CCDC83: variants seen among roughly 807,000 people sequenced by gnomAD.
CCDC83 encodes the protein coiled-coil domain containing 83, also known as coiled-coil domain-containing protein 83.
A neutral mutation model predicts 50.1 loss-of-function variants in CCDC83; 54 were observed. That is an observed-to-expected ratio of 1.08 (90% CI 0.87 to 1.35). The LOEUF (loss-of-function observed/expected upper bound fraction) is 1.35, where lower values mean the gene tolerates loss of function less well. Ranked by LOEUF, CCDC83 falls within the 40% of genes most tolerant of loss-of-function variation. The pLI is 0.00. For missense variants in CCDC83, 518 were observed against 473.9 expected (o/e 1.09, Z -0.86); for synonymous variants, 161 against 153.3 (o/e 1.05, Z -0.37).
chr11:85,879,393 C>A (rs2084079), intron 3 of CCDC83, among the ~76,000 whole-genome samples: 32,034 of 151,820 alleles, frequency 0.21, 3,715 homozygotes, highest in Middle Eastern at 0.22. Flanking sequence ...TGATAAAGCT[C>A]TCTTTCCTGC....
At chr11:85,909,409 C>T (rs1198826470) in intron 7 of CCDC83, among the ~76,000 whole-genome samples, 1 of 152,048 alleles carries the variant, frequency 6.6e-6, no homozygotes, top group Non-Finnish European at 1.5e-5. Context: ...CACCAGCCTA[C>T]CTCTTTCTAT....
chr11:85,898,407 C>A (rs1167798204), intron 6 of CCDC83, among the ~76,000 whole-genome samples: 1 of 151,966 alleles, frequency 6.6e-6, no homozygotes, highest in African/African-American at 2.4e-5. Flanking sequence ...TTTTATGAAC[C>A]TACTGACAAA....
At chr11:85,915,373 C>A in intron 8 of CCDC83, 46 bp from the exon 9 acceptor site, 1 of 1,317,486 alleles carries the variant, frequency 7.6e-7, no homozygotes, top group Non-Finnish European at 1.1e-6. Flanking sequence ...GCATGCAATG[C>A]AATATTTATT....
chr11:85,913,653 T>C (rs747230419), intron 8 of CCDC83, among the ~76,000 whole-genome samples: 3 of 152,236 alleles, frequency 2.0e-5, no homozygotes, highest in African/African-American at 4.8e-5. Context: ...TTGTGGTTAA[T>C]AGAGTTACCA....
At chr11:85,887,682 A>C (rs1440411230) in intron 5 of CCDC83, among the ~76,000 whole-genome samples, 1 of 151,550 alleles carries the variant, frequency 6.6e-6, no homozygotes, top group East Asian at 1.9e-4. Context: ...ATATATCACA[A>C]ATAGCATGCT....
chr11:85,862,830 T>C (rs2093185337), intron 1 of CCDC83, among the ~76,000 whole-genome samples: 1 of 152,156 alleles, frequency 6.6e-6, no homozygotes, highest in Non-Finnish European at 1.5e-5. Context: ...ATTGGAAAAA[T>C]GCAGCTATTA....
intron 5 of CCDC83, among the ~76,000 whole-genome samples, chr11:85,893,756 G>T (rs1386796530): frequency 6.6e-6 from 1 of 152,194 alleles, no homozygotes; most frequent in Non-Finnish European, 1.5e-5. Flanking sequence ...GATCTAGGCT[G>T]CATGCTCCTT....
chr11:85,917,778 C>G (rs2093489326), intron 10 of CCDC83: 2 of 152,228 alleles, frequency 1.3e-5, no homozygotes, highest in Non-Finnish European at 2.9e-5. Context: ...TCTAGTTCCT[C>G]TAGCACTGAA....
At chr11:85,870,470 C>CT (rs549513297) in intron 2 of CCDC83, among the ~76,000 whole-genome samples, 9 of 151,712 alleles carry the variant, frequency 5.9e-5, no homozygotes, top group African/African-American at 9.7e-5. Context: ...ATTTATAATA[C>CT]TTTTTTTTTA....
intron 1 of CCDC83, among the ~76,000 whole-genome samples, chr11:85,861,778 G>A (rs1442135444): frequency 1.3e-5 from 2 of 151,938 alleles, no homozygotes; most frequent in African/African-American, 4.8e-5. Context: ...GGAGGCCAAA[G>A]TGGGTGGATC....
chr11:85,886,585 G>A (rs941736418), intron 5 of CCDC83, among the ~76,000 whole-genome samples: 1 of 152,140 alleles, frequency 6.6e-6, no homozygotes, highest in African/African-American at 2.4e-5. Context: ...ATGGGCGGGT[G>A]GGGGGCAGTG....
intron 7 of CCDC83, among the ~76,000 whole-genome samples, chr11:85,899,248 A>T (rs1349162655): frequency 2.0e-5 from 3 of 152,216 alleles, no homozygotes; most frequent in Non-Finnish European, 2.9e-5. Context: ...AGTAAACTCA[A>T]ATGTGCAGTT....
At chr11:85,905,303 G>A (rs1236820969) in intron 7 of CCDC83, among the ~76,000 whole-genome samples, 14 of 151,608 alleles carry the variant, frequency 9.2e-5, no homozygotes, top group South Asian at 2.1e-4. Flanking sequence ...TTAGCCGGGC[G>A]TGATGGTGCA....
intron 5 of CCDC83, among the ~76,000 whole-genome samples, chr11:85,894,771 A>G (rs995484148): frequency 6.6e-5 from 10 of 152,198 alleles, no homozygotes; most frequent in African/African-American, 2.2e-4. Flanking sequence ...GAATGAACAA[A>G]TTGGACTCAT....
chr11:85,880,402 A>G (rs1033475828), intron 3 of CCDC83, among the ~76,000 whole-genome samples: 1 of 152,006 alleles, frequency 6.6e-6, no homozygotes, highest in Admixed American at 6.6e-5. Flanking sequence ...CAGCCTTCCA[A>G]GTAGCTGGGA....
intron 4 of CCDC83, among the ~76,000 whole-genome samples, chr11:85,884,614 G>C (rs1349532510): frequency 6.6e-6 from 1 of 152,138 alleles, no homozygotes; most frequent in Non-Finnish European, 1.5e-5. Flanking sequence ...CTTCTGACCT[G>C]GATACAAGGC....
At position 85,901,797 on chromosome 11, in the gene CCDC83, G is replaced by A. The variant is rs571928070; in HGVS notation, c.672+2782G>A. 1.6e-3 allele frequency among the ~76,000 whole-genome samples: 250 copies of A among 151,996 alleles called. 1 individual carries two copies. The highest frequency in any genetic ancestry group is 5.6e-3 in the African/African-American group (234 of 41,468). On this transcript the variant is annotated intron_variant, in intron 7 of 10. Coordinates refer to ENST00000342404, the MANE Select transcript of CCDC83 (RefSeq NM_001286159.2). ...TAATCCCAACACATTGGGAAGCTGG[G>A]GTGGGAGGATTGCTAGAGCCCAGGC...
Position 85,905,965 on chromosome 11 carries a change from G to A in CCDC83, c.673-5316G>A, listed in dbSNP as rs541680878. 7.6e-4 allele frequency among the ~76,000 whole-genome samples: 75 copies of A among 98,816 alleles called. 1 individual carries two copies. The highest frequency in any genetic ancestry group is 8.1e-3 in the Middle Eastern group (1 of 124). The allele number at this position is 98,816 out of a possible 152,430, so 64.8% of individuals were successfully genotyped here. A position where few individuals can be genotyped will look rare whatever the true frequency, so the allele number is the denominator to read the frequency against. On this transcript the variant is annotated intron_variant, in intron 7 of 10. Coordinates refer to ENST00000342404, the MANE Select transcript of CCDC83 (RefSeq NM_001286159.2). ...GCCTGGGCGACAAGAGCATGACTCCGTCTCAAAAAAAAAAAAAAAAAAAAA... is the reference window on the plus strand; with the variant it reads ...GCCTGGGCGACAAGAGCATGACTCCATCTCAAAAAAAAAAAAAAAAAAAAA...
chr11:85,911,962 T>C (rs186640189), intron 8 of CCDC83, among the ~76,000 whole-genome samples: 1 of 152,006 alleles, frequency 6.6e-6, no homozygotes. Context: ...CTGTCTTCCT[T>C]ATCTGACAAA....
Sources: allele counts gnomAD v4.1 joint callset (sites outside exome capture counted in the v4.1 genomes callset), GRCh38; gene constraint gnomAD v4.1.1; transcripts MANE v1.5; gene names NCBI Gene and HGNC (gene_info 2026-07-23, HGNC 2026-07-21).